The following CADPS variants were observed in gnomAD, a reference collection of about 807,000 sequenced individuals.
The protein encoded by CADPS is calcium-dependent secretion activator 1.
CADPS carries 57 observed loss-of-function variants against 167.3 expected under a neutral mutation model. The ratio of observed to expected loss-of-function variants is 0.34; its 90% CI spans 0.28 to 0.42. The LOEUF is 0.42. Among genes scored for constraint, CADPS ranks in the 20% least tolerant of loss-of-function variants. The pLI, the probability that CADPS is intolerant of heterozygous loss-of-function variation, is 1.00. For missense variants in CADPS, 1,414 were observed against 1,738.1 expected (o/e 0.81, Z 3.32); for synonymous variants, 676 against 635.3 (o/e 1.06, Z -0.96).
At chr3:62,760,644 T>A (rs1457036128) in intron 2 of CADPS, among the ~76,000 whole-genome samples, 6 of 152,094 alleles carry the variant, frequency 3.9e-5, no homozygotes, top group Non-Finnish European at 8.8e-5. Flanking sequence ...TGCTTTAGAG[T>A]GGGTAGTTAT....
intron 3 of CADPS, among the ~76,000 whole-genome samples, chr3:62,716,022 G>A (rs1264000182): frequency 6.6e-6 from 1 of 151,408 alleles, no homozygotes; most frequent in Non-Finnish European, 1.5e-5. Flanking sequence ...TGGGATCACA[G>A]GAGTGAGCCA....
intron 3 of CADPS, among the ~76,000 whole-genome samples, chr3:62,738,759 G>T (rs2079553084): frequency 2.0e-5 from 3 of 152,068 alleles, no homozygotes; most frequent in African/African-American, 7.2e-5. Flanking sequence ...TTTAAAAAAT[G>T]ATTGCTTTTT....
chr3:62,723,124 T>C (rs964946036), intron 3 of CADPS, among the ~76,000 whole-genome samples: 1 of 152,218 alleles, frequency 6.6e-6, no homozygotes, highest in Non-Finnish European at 1.5e-5. Context: ...AAGGAGCAGA[T>C]GTTAACCACA....
intron 3 of CADPS, among the ~76,000 whole-genome samples, chr3:62,704,904 T>G (rs2082053643): frequency 6.6e-6 from 1 of 152,206 alleles, no homozygotes; most frequent in East Asian, 1.9e-4. Context: ...CTTTGTTGTA[T>G]CACACCTGGA....
intron 21 of CADPS, among the ~76,000 whole-genome samples, chr3:62,487,424 T>G (rs1407335160): frequency 3.9e-5 from 6 of 152,220 alleles, no homozygotes; most frequent in African/African-American, 7.2e-5. Flanking sequence ...TGCCCAACTG[T>G]GAGTGGTGAC....
intron 17 of CADPS, among the ~76,000 whole-genome samples, chr3:62,512,110 A>G (rs980272236): frequency 1.3e-5 from 2 of 152,174 alleles, no homozygotes; most frequent in African/African-American, 4.8e-5. Flanking sequence ...TTAGACTACA[A>G]AAATGATGAT....
chr3:62,828,665 T>G (rs576399098), intron 1 of CADPS, among the ~76,000 whole-genome samples: 40 of 152,206 alleles, frequency 2.6e-4, no homozygotes, highest in African/African-American at 9.4e-4. Flanking sequence ...AAAAGCATAC[T>G]TATTTAAAAA....
intron 3 of CADPS, among the ~76,000 whole-genome samples, chr3:62,718,556 T>C (rs1421666625): frequency 6.6e-6 from 1 of 152,226 alleles, no homozygotes; most frequent in East Asian, 1.9e-4. Context: ...ATCCTAGATG[T>C]TTCCTAGTTG....
At position 62,488,926 on chromosome 3, in the gene CADPS, C is replaced by T. The variant is rs55755082; in HGVS notation, c.3026+2413G>A. Among the ~76,000 whole-genome samples, 1,176 of 152,310 alleles carry T rather than the reference C, an allele frequency of 7.7e-3. 11 individuals are homozygous for T. Among genetic ancestry groups the T allele is most frequent in the African/African-American group, 0.027 (1,120 of 41,572 alleles). ...AAGCTACTAAAAAACACACACGTAT[C>T]TGCATAATTCTCAGGTTATTATTCG... is the stretch of plus-strand genomic sequence containing the variant. On this transcript the variant is annotated intron_variant, in intron 21 of 29. Coordinates refer to ENST00000383710, the MANE Select transcript of CADPS (RefSeq NM_003716.4).
At chr3:62,587,045 T>C (rs2084795091) in intron 7 of CADPS, among the ~76,000 whole-genome samples, 1 of 152,200 alleles carries the variant, frequency 6.6e-6, no homozygotes. Context: ...ACTGACATCT[T>C]GTCCCATCTG....
chr3:62,721,545 C>T (rs1003005903), intron 3 of CADPS, among the ~76,000 whole-genome samples: 1 of 152,074 alleles, frequency 6.6e-6, no homozygotes, highest in Non-Finnish European at 1.5e-5. Context: ...AATTGGACTG[C>T]TGTGACGCTT....
In CADPS at chr3:62,862,603, T is replaced by C. The variant is rs556805616; in HGVS notation, c.441+11986A>G. 3.3e-5 allele frequency among the ~76,000 whole-genome samples: 5 copies of C among 152,278 alleles called. No homozygotes were observed. The East Asian group carries it at 5.8e-4, about 18-fold the overall frequency. On this transcript the variant is annotated intron_variant, in intron 1 of 29. Coordinates refer to ENST00000383710, the MANE Select transcript of CADPS (RefSeq NM_003716.4). ...TAGACAAATAGCTTCAAAAGCAAGATTGAAAAACATACATTCCAGTTTTTT... is the reference window on the plus strand; with the variant it reads ...TAGACAAATAGCTTCAAAAGCAAGACTGAAAAACATACATTCCAGTTTTTT...
chr3:62,492,226 A>C (rs1037446240), intron 20 of CADPS, 64 bp downstream of exon 20: 79 of 1,398,956 alleles, frequency 5.6e-5, no homozygotes, highest in Non-Finnish European at 7.4e-5. Flanking sequence ...GGATAAAGAC[A>C]TCTTAGTGAT....
At chr3:62,822,607 C>T (rs1022404162) in intron 1 of CADPS, among the ~76,000 whole-genome samples, 20 of 152,108 alleles carry the variant, frequency 1.3e-4, no homozygotes, top group Non-Finnish European at 2.6e-4. Flanking sequence ...TTTGGGAGGC[C>T]GAGACGGGTG....
chr3:62,574,389 G>C (rs1229495260), intron 8 of CADPS, among the ~76,000 whole-genome samples: 1 of 150,672 alleles, frequency 6.6e-6, no homozygotes, highest in Non-Finnish European at 1.5e-5. Flanking sequence ...GGGCAAGAGA[G>C]AAAGCAAAGA....
At chr3:62,778,556 G>T (rs1053898934) in intron 1 of CADPS, among the ~76,000 whole-genome samples, 14 of 151,950 alleles carry the variant, frequency 9.2e-5, no homozygotes, top group African/African-American at 3.1e-4. Context: ...CTGACTCTTG[G>T]TATTTATTAT....
In CADPS at chr3:62,466,650, A is replaced by C. The variant is rs1001757604; in HGVS notation, c.3478-237T>G. On this transcript the variant is annotated intron_variant, in intron 24 of 29. Transcript: ENST00000383710. ...CTTACTCAAGGCTTTCGATGCTTCT[A>C]ATGTGTGTAGACACTTAAACACTTT... 1.6e-5 allele frequency: 9 copies of C among 548,652 alleles called. No homozygotes were observed. The African/African-American group carries it at 1.7e-4, about 10-fold the overall frequency. 34.0% of individuals were successfully genotyped at this position (548,652 alleles called of 1,614,324 possible).
chr3:62,829,161 A>G (rs1272478443), intron 1 of CADPS, among the ~76,000 whole-genome samples: 1 of 152,168 alleles, frequency 6.6e-6, no homozygotes, highest in African/African-American at 2.4e-5. Context: ...ATAAAAAATG[A>G]GGCTCATGGA....
chr3:62,524,690 C>G (rs2071609084), intron 13 of CADPS, among the ~76,000 whole-genome samples: 1 of 152,152 alleles, frequency 6.6e-6, no homozygotes, highest in South Asian at 2.1e-4. Context: ...GTGGAGAAGT[C>G]TCTCTCTACT....
Sources: gnomAD v4.1 joint callset for allele counts (sites outside exome capture counted in the v4.1 genomes callset) on GRCh38, gnomAD v4.1.1 for gene constraint, MANE v1.5 for transcripts, NCBI Gene and HGNC (gene_info 2026-07-23, HGNC 2026-07-21) for gene names.